SPTA1: variants seen among roughly 807,000 people sequenced by gnomAD.
SPTA1 encodes spectrin alpha chain, erythrocytic 1.
Under a neutral mutation model 324.7 loss-of-function variants are expected in SPTA1, and 177 were observed. That is an observed-to-expected ratio of 0.55 (90% CI 0.48 to 0.62). The LOEUF is 0.62. Ranked by LOEUF, SPTA1 falls within the 20% of genes least tolerant of loss-of-function variation. The pLI is 0.00. For missense variants in SPTA1, 3,162 were observed against 2,883.6 expected, an observed-to-expected ratio of 1.10 and a Z score of -2.21; for synonymous variants, 1,195 against 1,041.3, an observed-to-expected ratio of 1.15 and a Z score of -2.84.
intron 42 of SPTA1, among the ~76,000 whole-genome samples, chr1:158,624,933 G>A (rs977530525): frequency 3.3e-5 from 5 of 152,342 alleles, no homozygotes; most frequent in African/African-American, 9.6e-5. Flanking sequence ...TGAAAAAGGT[G>A]AGTCTTCAAA....
intron 18 of SPTA1, among the ~76,000 whole-genome samples, chr1:158,658,963 T>C (rs1653016425): frequency 6.6e-6 from 1 of 152,026 alleles, no homozygotes; most frequent in Non-Finnish European, 1.5e-5. Context: ...AGAGAATTTA[T>C]GGATAGAAGA....
At position 158,627,849 on chromosome 1, in the gene SPTA1, G is replaced by A. The variant is rs551535744; in HGVS notation, c.5566-126C>T. ...AATGAAATTGGCAGACTAGGTGAATGCCCACTTTTTCTGGAATAACTATAC... is the reference window on the plus strand; with the variant it reads ...AATGAAATTGGCAGACTAGGTGAATACCCACTTTTTCTGGAATAACTATAC... On this transcript the variant is annotated intron_variant, in intron 39 of 51. Transcript: ENST00000643759. 116 of 871,100 alleles carry A rather than the reference G, an allele frequency of 1.3e-4. No homozygotes were observed. The East Asian group carries it at 3.0e-3, about 22-fold the overall frequency. 54.0% of individuals were successfully genotyped at this position (871,100 alleles called of 1,614,324 possible).
intron 35 of SPTA1, 130 bp downstream of exon 35, chr1:158,639,452 G>A (rs965447112): frequency 2.3e-6 from 2 of 888,764 alleles, no homozygotes; most frequent in Non-Finnish European, 3.7e-6. Context: ...TAATTAAAAT[G>A]ACTGCTGGTT....
rs992630077 is a variant in SPTA1, at chr1:158,643,365, C to T, written c.4399G>A (p.Ala1467Thr). ...AESLIADEHYAKEEIATRLQR... is the reference protein window; with the variant it reads ...AESLIADEHYTKEEIATRLQR... ...AGCCGCGTAGCAATCTCTTCTTTGGCATAGTGTTCATCAGCAATGAGGCTC... is the reference window on the plus strand; with the variant it reads ...AGCCGCGTAGCAATCTCTTCTTTGGTATAGTGTTCATCAGCAATGAGGCTC... Residue 1467 changes from alanine to threonine, a missense_variant, in exon 31 of 52, where the codon GCC becomes ACC. Coordinates refer to ENST00000643759, the MANE Select transcript of SPTA1 (RefSeq NM_003126.4). The T allele has an allele frequency of 1.9e-6, 3 of 1,613,758 alleles. No individual in the cohort carries two copies. The African/African-American group carries it at 4.0e-5, about 22-fold the overall frequency.
At chr1:158,623,249 A>C (rs1650039433) in intron 42 of SPTA1, 57 bp from the exon 43 acceptor site, 5 of 1,447,250 alleles carry the variant, frequency 3.5e-6, no homozygotes, top group African/African-American at 1.4e-5. Flanking sequence ...GGTCATTCAC[A>C]TCTGGGTTCC....
chr1:158,617,086 C>A (rs892178540), intron 47 of SPTA1, among the ~76,000 whole-genome samples: 1 of 152,112 alleles, frequency 6.6e-6, no homozygotes. Flanking sequence ...CCCATTACTT[C>A]GCTCAGTTGT....
rs528503195 is a variant in SPTA1 at position 158,617,601 on chromosome 1, C to A, written c.6549-13G>T. On this transcript the variant is annotated splice_polypyrimidine_tract_variant and intron_variant, in intron 46 of 51. Transcript: ENST00000643759. The stretch of plus-strand genomic sequence containing the variant: ...TTTGAGCAATGATCTAGTTAAGAAC[C>A]GAAGGAAATCATTATGCATCACATC... The A allele has an allele frequency of 2.5e-6, 4 of 1,606,978 alleles. No homozygotes were observed. In the South Asian group the frequency reaches 3.3e-5, roughly 13 times the overall value.
Position 158,661,397 on chromosome 1 carries a change from A to G in SPTA1, c.2477T>C (p.Ile826Thr). 1.9e-6 allele frequency: 3 copies of G among 1,613,890 alleles called. No individual in the cohort carries two copies. The highest frequency in any genetic ancestry group is 2.5e-6 in the Non-Finnish European group (3 of 1,179,856). ...CCTATTCAGAAGCTTTTTGGAAGCA[A>G]TCAGGTCCTTTCCTGCAGAGGAAAG... ...ATSTYLGKDL[I>T]ASKKLLNRHR... The change falls in exon 18 of 52, where the codon ATT becomes ACT. Residue 826 changes from isoleucine (I) to threonine (T), a missense_variant. By Grantham distance (89) the Ile-to-Thr change is moderately conservative (BLOSUM62 -1). Transcript: ENST00000643759.
At chr1:158,643,218 C>T (rs1217630952) in intron 31 of SPTA1, 104 bp downstream of exon 31, 1 of 1,388,846 alleles carries the variant, frequency 7.2e-7, no homozygotes, top group Non-Finnish European at 1.0e-6. Context: ...TTTTAGTCAC[C>T]TAGAAATGAC....
chr1:158,644,684 T>A (rs1651861531), intron 29 of SPTA1, among the ~76,000 whole-genome samples: 1 of 152,228 alleles, frequency 6.6e-6, no homozygotes, highest in South Asian at 2.1e-4. Flanking sequence ...TGAAACGTTA[T>A]CCTTCAGGGT....
intron 20 of SPTA1, among the ~76,000 whole-genome samples, chr1:158,656,034 C>T (rs1487402579): frequency 6.6e-6 from 1 of 152,124 alleles, no homozygotes; most frequent in Non-Finnish European, 1.5e-5. Context: ...TTCCTGTTTT[C>T]CAGTACTGTT....
Position 158,685,275 on chromosome 1 carries a change from T to G in SPTA1, c.97A>C (p.Thr33Pro). 1 of 1,613,864 alleles carries G rather than the reference T, an allele frequency of 6.2e-7. No homozygotes were observed. The highest frequency in any genetic ancestry group is 8.5e-7 in the Non-Finnish European group (1 of 1,179,844). Residue 33 changes from threonine to proline, a missense_variant, in exon 2 of 52, where the codon ACT becomes CCT. By Grantham distance (38) the Thr-to-Pro change is conservative. Transcript: ENST00000643759. The stretch of plus-strand genomic sequence containing the variant: ...CGCTCCTTGAAACTTTGATACCGAG[T>G]CAACACTTCCTGACGCCTCTCCTGG... ...EIQERRQEVL[T>P]RYQSFKERVA...
intron 23 of SPTA1, among the ~76,000 whole-genome samples, 153 bp from the exon 24 acceptor site, chr1:158,651,621 A>G (rs1325910381): frequency 6.6e-6 from 1 of 152,188 alleles, no homozygotes; most frequent in Non-Finnish European, 1.5e-5. Context: ...CACTGAGAAG[A>G]GTATCCTTAA....
chr1:158,682,137 C>T (rs1041338543), intron 3 of SPTA1, among the ~76,000 whole-genome samples: 1 of 152,054 alleles, frequency 6.6e-6, no homozygotes, highest in Non-Finnish European at 1.5e-5. Context: ...TCATTGGCAC[C>T]GAAACAATAA....
Position 158,655,287 on chromosome 1 carries a change from A to C in SPTA1, c.2899-539T>G, listed in dbSNP as rs568739929. 2.3e-5 allele frequency among the ~76,000 whole-genome samples: 3 copies of C among 128,092 alleles called. No homozygotes were observed. The East Asian group carries it at 5.8e-4, about 25-fold the overall frequency. The allele number at this position is 128,092 out of a possible 152,430, so 84.0% of individuals were successfully genotyped here. Reference sequence around the variant, plus strand: ...CAGAATTTTAAAAACTGAGAACATTAACTGAGATCATTAAAAGTATCTTGT... The same window carrying C: ...CAGAATTTTAAAAACTGAGAACATTCACTGAGATCATTAAAAGTATCTTGT... On this transcript the variant is annotated intron_variant, in intron 20 of 51. Coordinates refer to ENST00000643759, the MANE Select transcript of SPTA1 (RefSeq NM_003126.4).
intron 11 of SPTA1, 28 bp downstream of exon 11, chr1:158,672,031 T>C (rs1571507705): frequency 6.2e-7 from 1 of 1,613,400 alleles, no homozygotes; most frequent in Non-Finnish European, 8.5e-7. Context: ...AAATTACTTC[T>C]AGAGATGGTA....
chr1:158,644,769 C>T (rs987341447), intron 29 of SPTA1, among the ~76,000 whole-genome samples: 5 of 152,140 alleles, frequency 3.3e-5, no homozygotes, highest in Non-Finnish European at 5.9e-5. Flanking sequence ...AGCACTCGTA[C>T]ATTTTGGTTT....
At chr1:158,639,714 C>T (rs760578477) in intron 34 of SPTA1, 28 bp from the exon 35 acceptor site, 8 of 1,613,388 alleles carry the variant, frequency 5.0e-6, no homozygotes, top group South Asian at 1.1e-5. Context: ...AGCAATAAAG[C>T]TGCCAGGTGA....
rs141621309 is a variant in SPTA1 at position 158,634,192 on chromosome 1, C to T, written c.5565+351G>A. On this transcript the variant is annotated intron_variant, in intron 39 of 51. Transcript: ENST00000643759. ...GACATAAGAAGATTTTTTTCCAAAT[C>T]AATGTAACATGAAAATTCAAGGGAA... is the stretch of plus-strand genomic sequence containing the variant. Among the ~76,000 whole-genome samples, 1,199 of 152,216 alleles carry T rather than the reference C, an allele frequency of 7.9e-3. 20 individuals carry two copies. The highest frequency in any genetic ancestry group is 0.027 in the African/African-American group (1,119 of 41,528).
Sources: gnomAD v4.1 joint callset for allele counts (sites outside exome capture counted in the v4.1 genomes callset) on GRCh38, gnomAD v4.1.1 for gene constraint, MANE v1.5 for transcripts, NCBI Gene and HGNC (gene_info 2026-07-23, HGNC 2026-07-21) for gene names.